Variants in DDX31 observed in about 807,000 individuals in gnomAD.
DDX31 encodes the protein ATP-dependent DNA helicase DDX31.
DDX31 carries 70 observed loss-of-function variants against 91.3 expected under a neutral mutation model. The ratio of observed to expected loss-of-function variants is 0.77; its 90% CI spans 0.63 to 0.94. DDX31 has a LOEUF of 0.94. Ranked by LOEUF, DDX31 falls within the 40% of genes least tolerant of loss-of-function variation. The pLI, the probability that DDX31 is intolerant of heterozygous loss-of-function variation, is 0.00. For synonymous variants in DDX31, 362 were observed against 350.6 expected, an observed-to-expected ratio of 1.03 and a Z score of -0.36; for missense variants, 902 against 925.0, an observed-to-expected ratio of 0.98 and a Z score of 0.32.
rs1348607626 is a variant in DDX31 at position 132,648,083 on chromosome 9, C to A, written c.967+106G>T. ...CTAAGGACAGCTCTCTCCCTGCCCC[C>A]ACCTCCCTGAGGTTGAGAATCACTG... On this transcript the variant is annotated intron_variant, in intron 11 of 19. Coordinates refer to ENST00000372159, the MANE Select transcript of DDX31 (RefSeq NM_022779.9). 5.7e-6 allele frequency: 5 copies of A among 873,902 alleles called. No homozygotes were observed. The Admixed American group carries it at 8.1e-5, about 14-fold the overall frequency. The allele number at this position is 873,902 out of a possible 1,614,324, so 54.1% of individuals were successfully genotyped here.
chr9:132,667,634 T>C (rs1410723626), intron 1 of DDX31, among the ~76,000 whole-genome samples: 5 of 135,050 alleles, frequency 3.7e-5, no homozygotes, highest in Non-Finnish European at 6.1e-5. Context: ...ACAAAAAACG[T>C]AGATCTAGAC....
intron 1 of DDX31, among the ~76,000 whole-genome samples, chr9:132,665,121 C>A (rs1008409842): frequency 6.6e-6 from 1 of 152,216 alleles, no homozygotes; most frequent in African/African-American, 2.4e-5. Flanking sequence ...GTAAGCTCCA[C>A]AAGAAAGGGG....
At position 132,648,305 on chromosome 9, in the gene DDX31, TAAA is replaced by T. The variant is rs200172474; in HGVS notation, c.861-13_861-11del. On this transcript the variant is annotated splice_polypyrimidine_tract_variant and intron_variant, in intron 10 of 19. Coordinates refer to ENST00000372159, the MANE Select transcript of DDX31 (RefSeq NM_022779.9). Reference sequence around the variant, plus strand: ...ACCCAAATCCAAGATTCTGTGATTGTAAAAAAAAAAAGAAATTTTCAACTATAT... The same window carrying T: ...ACCCAAATCCAAGATTCTGTGATTGTAAAAAAAAGAAATTTTCAACTATAT... 2 of 1,239,858 alleles carry T rather than the reference TAAA, an allele frequency of 1.6e-6. No homozygotes were observed. Among genetic ancestry groups the T allele is most frequent in the South Asian group, 1.4e-5 (1 of 71,196 alleles). 76.8% of individuals were successfully genotyped at this position (1,239,858 alleles called of 1,614,324 possible). A position where few individuals can be genotyped will look rare whatever the true frequency, so the allele number is the denominator to read the frequency against.
At chr9:132,652,519 A>G (rs1373154270) in intron 6 of DDX31, 27 bp from the exon 7 acceptor site, 2 of 1,613,812 alleles carry the variant, frequency 1.2e-6, no homozygotes, top group Non-Finnish European at 1.7e-6. Context: ...AAAAAATGCC[A>G]TGAGCAGGAT....
chr9:132,606,190 CT>C (rs1206877326), intron 19 of DDX31, among the ~76,000 whole-genome samples: 2 of 152,196 alleles, frequency 1.3e-5, no homozygotes, highest in Non-Finnish European at 2.9e-5. Flanking sequence ...GCCAATCTGT[CT>C]TTTTACAGAA....
intron 19 of DDX31, among the ~76,000 whole-genome samples, chr9:132,602,404 A>C (rs1830766368): frequency 6.6e-6 from 1 of 152,178 alleles, no homozygotes; most frequent in Non-Finnish European, 1.5e-5. Context: ...CTGTTTATCA[A>C]ACACCCACTC....
At chr9:132,641,425 G>C (rs1468520948) in intron 14 of DDX31, among the ~76,000 whole-genome samples, 1 of 152,210 alleles carries the variant, frequency 6.6e-6, no homozygotes, top group East Asian at 1.9e-4. Flanking sequence ...TGAATCCCCA[G>C]CCTGGGGGTA....
Position 132,595,150 on chromosome 9 carries a change from T to G in DDX31, c.1995-38A>C. On this transcript the variant is annotated intron_variant, in intron 19 of 19. Transcript: ENST00000372159. The surrounding 1 kb of genome is among the most constrained non-coding windows in gnomAD (Gnocchi z 4.6). ...AACAGCAGAGAGGGAAAAGAAACTT[T>G]ATTATTTTTCTTTCCCATTTGGAAA... The G allele has an allele frequency of 6.3e-7, 1 of 1,585,462 alleles. No individual in the cohort carries two copies. Among genetic ancestry groups the G allele is most frequent in the Non-Finnish European group, 8.6e-7 (1 of 1,165,758 alleles).
chr9:132,650,521 G>C (rs1834121471), intron 8 of DDX31, among the ~76,000 whole-genome samples: 1 of 152,240 alleles, frequency 6.6e-6, no homozygotes. Flanking sequence ...ACCACAGTGA[G>C]AGAGAAATGT....
chr9:132,599,762 T>A (rs1306645806), intron 19 of DDX31, among the ~76,000 whole-genome samples: 1 of 152,214 alleles, frequency 6.6e-6, no homozygotes, highest in African/African-American at 2.4e-5. Context: ...TGAGGACTAG[T>A]CAAGTGCACT....
intron 4 of DDX31, 41 bp downstream of exon 4, chr9:132,661,167 A>G (rs377143376): frequency 4.2e-5 from 67 of 1,579,712 alleles, no homozygotes; most frequent in Non-Finnish European, 5.4e-5. Context: ...GGTTATACCC[A>G]CGTAATGCCT....
rs1315503696 is a variant in DDX31, at chr9:132,669,891, A to T, written c.44T>A (p.Phe15Tyr). The T allele has an allele frequency of 1.9e-6, 3 of 1,596,170 alleles. No homozygotes were observed. The highest frequency in any genetic ancestry group is 2.6e-6 in the Non-Finnish European group (3 of 1,172,396). Residue 15 changes from phenylalanine to tyrosine, a missense_variant, in exon 1 of 20, where the codon TTC becomes TAC. Physicochemically the swap from Phe to Tyr is conservative, Grantham distance 22 (BLOSUM62 3). Coordinates refer to ENST00000372159, the MANE Select transcript of DDX31 (RefSeq NM_022779.9). The stretch of plus-strand genomic sequence containing the variant: ...CGCCTGGGCTGGGGGACGTCTGGAG[A>T]ACGTCCTGGGGTTGTCGAAGAGCGA... ...DGSLFDNPRT[F>Y]SRRPPAQASR... is the part of the protein sequence containing the mutation.
At position 132,646,063 on chromosome 9, in the gene DDX31, T is replaced by C. The variant is rs1243018886; in HGVS notation, c.1212A>G (p.Glu404=). The change falls in exon 13 of 20, where the codon GAA becomes GAG. Residue 404 remains glutamate, a synonymous_variant. Coordinates refer to ENST00000372159, the MANE Select transcript of DDX31 (RefSeq NM_022779.9). ...AGAAAAAGACAACCATCTTCTGGTC[T>C]TCCTCAAACTACATCGATACAAAGG... ...AFILQKCKFE[E]DQKMVVFFSS... 2.4e-5 allele frequency: 39 copies of C among 1,613,644 alleles called. No homozygotes were observed. Among genetic ancestry groups the C allele is most frequent in the Non-Finnish European group, 3.2e-5 (38 of 1,179,832 alleles).
Position 132,662,514 on chromosome 9 carries a change from C to T in DDX31, c.257G>A (p.Arg86Lys), listed in dbSNP as rs1835033257. Residue 86 changes from arginine (R) to lysine (K), a missense_variant, in exon 2 of 20, where the codon AGA becomes AAA. Transcript: ENST00000372159. ...AATGCACTGTCTCTCCTCCTGGTTT[C>T]TATCACTTGTGCTAACCGAATGCTT... ...PKKHSVSTSDRNQEERQCIKT... is the reference protein window; with the variant it reads ...PKKHSVSTSDKNQEERQCIKT... The T allele has an allele frequency of 1.9e-6, 3 of 1,614,214 alleles. No homozygotes were observed. The highest frequency in any genetic ancestry group is 1.3e-5 in the African/African-American group (1 of 75,050).
chr9:132,623,278 C>A (rs568552166), intron 17 of DDX31, among the ~76,000 whole-genome samples: 4 of 152,184 alleles, frequency 2.6e-5, no homozygotes, highest in African/African-American at 9.6e-5. Context: ...CCAGTCCAGG[C>A]CGGGTGCAGT....
rs61750792 is a variant in DDX31, at chr9:132,669,661, T to C, written c.75+199A>G. ...CCTCCACACCGCTCCACTCCCCGCT[T>C]CCAGGCGCATCCCTGCGGGTGGTGT... On this transcript the variant is annotated intron_variant, in intron 1 of 19. Transcript: ENST00000372159. 3.0e-5 allele frequency: 46 copies of C among 1,532,442 alleles called. No individual in the cohort carries two copies. The African/African-American group carries it at 4.5e-4, about 15-fold the overall frequency. The allele number at this position is 1,532,442 out of a possible 1,614,324, so 94.9% of individuals were successfully genotyped here.
At position 132,663,337 on chromosome 9, in the gene DDX31, C is replaced by T. The variant is rs1199651572; in HGVS notation, c.76-642G>A. On this transcript the variant is annotated intron_variant, in intron 1 of 19. Coordinates refer to ENST00000372159, the MANE Select transcript of DDX31 (RefSeq NM_022779.9). The stretch of plus-strand genomic sequence containing the variant: ...GTTCCCATTCCAAATGAGAATGCTG[C>T]TCCATCCATCACCTCTACCACAATT... The T allele has an allele frequency of 7.8e-6, 10 of 1,287,754 alleles. No homozygotes were observed. The East Asian group carries it at 5.0e-4, about 64-fold the overall frequency. The allele number at this position is 1,287,754 out of a possible 1,614,324, so 79.8% of individuals were successfully genotyped here. A position where few individuals can be genotyped will look rare whatever the true frequency, so the allele number is the denominator to read the frequency against.
intron 19 of DDX31, among the ~76,000 whole-genome samples, chr9:132,598,614 C>T (rs912554024): frequency 4.6e-5 from 7 of 152,324 alleles, no homozygotes; most frequent in Middle Eastern, 3.4e-3. Flanking sequence ...GAAGAGAGAT[C>T]GCAGGGCCTT....
At chr9:132,607,601 A>G (rs1164049185) in intron 19 of DDX31, among the ~76,000 whole-genome samples, 1 of 152,240 alleles carries the variant, frequency 6.6e-6, no homozygotes, top group Non-Finnish European at 1.5e-5. Flanking sequence ...TATAATTCAC[A>G]TAAAATAGGG....
Sources: gnomAD v4.1 joint callset for allele counts (sites outside exome capture counted in the v4.1 genomes callset) on GRCh38, gnomAD v4.1.1 for gene constraint, Gnocchi (gnomAD v3.1) non-coding constraint, MANE v1.5 for transcripts, NCBI Gene and HGNC (gene_info 2026-07-23, HGNC 2026-07-21) for gene names.